The following TBC1D31 variants were observed in gnomAD, a reference collection of about 807,000 sequenced individuals.
TBC1D31 encodes the protein WD repeat domain 67.
In TBC1D31, 99 loss-of-function variants were observed where a neutral mutation model predicts 132.9. The observed-to-expected ratio is 0.74, with a 90% CI of 0.63 to 0.88. TBC1D31 has a LOEUF of 0.88. Ranked by LOEUF, TBC1D31 falls within the 40% of genes least tolerant of loss-of-function variation. The pLI is 0.00. For missense variants in TBC1D31, 1,134 were observed against 1,256.6 expected (o/e 0.90, Z 1.48); for synonymous variants, 385 against 419.4 (o/e 0.92, Z 1.00).
chr8:123,154,154 A>G (rs573770663), downstream of TBC1D31, among the ~76,000 whole-genome samples: 1 of 152,212 alleles, frequency 6.6e-6, no homozygotes, highest in Non-Finnish European at 1.5e-5. Flanking sequence ...GGCTTAATTT[A>G]TTAATATGGG....
chr8:123,135,290 A>G (rs1247803805), intron 17 of TBC1D31, among the ~76,000 whole-genome samples: 1 of 152,240 alleles, frequency 6.6e-6, no homozygotes, highest in Non-Finnish European at 1.5e-5. Context: ...ACTGGAAAAA[A>G]GGAGCTTTGT....
At chr8:123,138,475 A>G (rs1434631094) in intron 17 of TBC1D31, among the ~76,000 whole-genome samples, 1 of 152,208 alleles carries the variant, frequency 6.6e-6, no homozygotes, top group Non-Finnish European at 1.5e-5. Flanking sequence ...ATTAATAGTG[A>G]TATGAGATTA....
intron 16 of TBC1D31, among the ~76,000 whole-genome samples, chr8:123,131,163 G>A (rs920532485): frequency 6.6e-6 from 1 of 151,184 alleles, no homozygotes; most frequent in African/African-American, 2.4e-5. Context: ...CAGGAGTTCG[G>A]AACCAGCCTG....
At chr8:123,158,764 G>A in the TBC1D31 span, among the ~76,000 whole-genome samples, 2 of 152,130 alleles carry the variant, frequency 1.3e-5, no homozygotes, top group African/African-American at 4.8e-5. Context: ...GAGGAATCTC[G>A]GAGTGGATGG....
Position 123,120,050 on chromosome 8 carries a change from C to A in TBC1D31, c.1437-5C>A. The A allele has an allele frequency of 6.4e-7, 1 of 1,573,054 alleles. No individual in the cohort carries two copies. The highest frequency in any genetic ancestry group is 8.6e-7 in the Non-Finnish European group (1 of 1,164,270). On this transcript the variant is annotated splice_region_variant and splice_polypyrimidine_tract_variant and intron_variant, in intron 10 of 21. Coordinates refer to ENST00000287380, the MANE Select transcript of TBC1D31 (RefSeq NM_145647.4). The stretch of plus-strand genomic sequence containing the variant: ...AATTTTAATGCTAAGTTATTTTATT[C>A]ACAGAACCTTATCTGCATTAGCTCA...
chr8:123,092,679 T>C (rs964348215), intron 4 of TBC1D31, among the ~76,000 whole-genome samples: 6 of 151,994 alleles, frequency 3.9e-5, no homozygotes, highest in Non-Finnish European at 8.8e-5. Flanking sequence ...AGACAGAGTC[T>C]TGCTCTGTCA....
chr8:123,115,683 T>C (rs1274137662), intron 10 of TBC1D31, among the ~76,000 whole-genome samples: 1 of 152,202 alleles, frequency 6.6e-6, no homozygotes, highest in African/African-American at 2.4e-5. Flanking sequence ...CTTTTCCAGC[T>C]TCTGCAGGTT....
In TBC1D31 at chr8:123,130,623, C is replaced by CA. The variant is rs1554619798; in HGVS notation, c.2406+290_2406+291insA. On this transcript the variant is annotated intron_variant, in intron 16 of 21. Coordinates refer to ENST00000287380, the MANE Select transcript of TBC1D31 (RefSeq NM_145647.4). ...ATTAAGTTATTTTTTCTTTTCTTTT[C>CA]TTTTTTTTTTTTTTTTGAGACAGAG... Among the ~76,000 whole-genome samples, 7 of 136,102 alleles carry CA rather than the reference C, an allele frequency of 5.1e-5. No homozygotes were observed. The East Asian group carries it at 1.5e-3, about 28-fold the overall frequency. 89.3% of individuals were successfully genotyped at this position (136,102 alleles called of 152,430 possible).
intron 2 of TBC1D31, among the ~76,000 whole-genome samples, chr8:123,080,659 C>G (rs888231994): frequency 3.3e-5 from 5 of 151,322 alleles, no homozygotes; most frequent in Non-Finnish European, 7.4e-5. Context: ...GCCTCAGCCT[C>G]CCAAGTAGCT....
chr8:123,137,974 C>CTAAAAAGCTCTATTATTT (rs1293467102), intron 17 of TBC1D31, among the ~76,000 whole-genome samples: 7 of 152,134 alleles, frequency 4.6e-5, no homozygotes, highest in African/African-American at 1.4e-4. Context: ...TCCCTTTGGC[C>CTAAAAAGCTCTATTATTT]TAAAAAGCTC....
At chr8:123,077,921 G>A (rs754954055) in intron 2 of TBC1D31, among the ~76,000 whole-genome samples, 12 of 151,990 alleles carry the variant, frequency 7.9e-5, no homozygotes, top group East Asian at 1.9e-4. Context: ...GGAGGTGCAC[G>A]CCTGTAATCC....
intron 2 of TBC1D31, among the ~76,000 whole-genome samples, chr8:123,079,219 C>T (rs980256827): frequency 1.8e-4 from 28 of 152,088 alleles, no homozygotes; most frequent in African/African-American, 6.5e-4. Flanking sequence ...GATCCTTTTG[C>T]TATAAAGAAC....
Position 123,093,738 on chromosome 8 carries a change from AC to A in TBC1D31, c.669del (p.Arg224GlufsTer59). 6.3e-7 allele frequency: 1 copy of A among 1,576,242 alleles called. No homozygotes were observed. The highest frequency in any genetic ancestry group is 1.2e-5 in the South Asian group (1 of 83,482). ...SSILYKVFAVTRDGRILAAGG... is the reference protein window; with the variant it reads ...SSILYKVFAVXRDGRILAAGG... ...TATATTATACAAAGTGTTTGCTGTA[AC>A]CAGGTAATGTGCATTTTAAGACACT... On this transcript the variant is annotated frameshift_variant, in exon 5 of 22. Coordinates refer to ENST00000287380, the MANE Select transcript of TBC1D31 (RefSeq NM_145647.4). LOFTEE classifies it high-confidence loss of function.
the TBC1D31 span, among the ~76,000 whole-genome samples, chr8:123,164,253 C>T: frequency 6.6e-6 from 1 of 152,182 alleles, no homozygotes; most frequent in East Asian, 1.9e-4. Flanking sequence ...GCCCAAGGGA[C>T]AAAGCCATGC....
At chr8:123,120,985 G>A (rs1183655599) in intron 11 of TBC1D31, among the ~76,000 whole-genome samples, 5 of 138,852 alleles carry the variant, frequency 3.6e-5, no homozygotes, top group South Asian at 2.3e-4. Flanking sequence ...TTTTTGAGAC[G>A]GGAGTCTCAC....
chr8:123,095,430 G>A lies in TBC1D31; in HGVS notation c.671+1688G>A, dbSNP rs190542219. 5.9e-3 allele frequency among the ~76,000 whole-genome samples: 896 copies of A among 152,252 alleles called. 10 individuals carry two copies. Among genetic ancestry groups the A allele is most frequent in the African/African-American group, 0.021 (872 of 41,530 alleles). ...GTTATTTTGATGTACAGTTGTAAAG[G>A]AAAGGCAGGATAAATGCTTAATTTT... On this transcript the variant is annotated intron_variant, in intron 5 of 21. Transcript: ENST00000287380.
intron 1 of TBC1D31, 22 bp downstream of exon 1, chr8:123,072,868 C>T (rs1325445282): frequency 6.4e-7 from 1 of 1,552,888 alleles, no homozygotes; most frequent in Non-Finnish European, 8.7e-7. Flanking sequence ...GGCGGGAGGG[C>T]GCGGGCTGTG....
the TBC1D31 span, among the ~76,000 whole-genome samples, chr8:123,163,288 C>G: frequency 2.0e-5 from 3 of 149,056 alleles, no homozygotes; most frequent in African/African-American, 7.4e-5. Flanking sequence ...TTTAAGTGTA[C>G]AAGTAAATGA....
chr8:123,073,051 C>T (rs1182746357), intron 1 of TBC1D31, among the ~76,000 whole-genome samples: 2 of 152,160 alleles, frequency 1.3e-5, no homozygotes, highest in Non-Finnish European at 2.9e-5. Context: ...GGGTCTGGTC[C>T]GGGACAGCGC....
Sources: gnomAD v4.1 joint callset for allele counts (sites outside exome capture counted in the v4.1 genomes callset) on GRCh38, gnomAD v4.1.1 for gene constraint, MANE v1.5 for transcripts, NCBI Gene and HGNC (gene_info 2026-07-23, HGNC 2026-07-21) for gene names.